BRINP3: variants seen among roughly 807,000 people sequenced by gnomAD.
BRINP3 encodes the protein BMP/retinoic acid inducible neural specific 3.
BRINP3 carries 19 observed loss-of-function variants against 71.0 expected under a neutral mutation model. The ratio of observed to expected loss-of-function variants is 0.27; its 90% confidence interval spans 0.19 to 0.39. The LOEUF (loss-of-function observed/expected upper bound fraction) is 0.39, where lower values mean the gene tolerates loss of function less well. Among genes scored for constraint, BRINP3 ranks in the 10% least tolerant of loss-of-function variants. BRINP3 has a pLI of 1.00. For missense variants in BRINP3, 959 were observed against 940.8 expected (o/e 1.02, Z -0.25); for synonymous variants, 380 against 337.7 (o/e 1.13, Z -1.37).
intron 1 of BRINP3, among the ~76,000 whole-genome samples, chr1:190,462,242 G>A (rs978003706): frequency 6.6e-6 from 1 of 152,074 alleles, no homozygotes. Context: ...GTTAAAAAAT[G>A]TTAAGGACAA....
At chr1:190,382,464 TA>T (rs994896684) in intron 2 of BRINP3, among the ~76,000 whole-genome samples, 3 of 152,008 alleles carry the variant, frequency 2.0e-5, no homozygotes, top group African/African-American at 4.8e-5. Context: ...GCAAGAAGTT[TA>T]AAAAAAATCC....
rs181099153 is a variant in BRINP3, at chr1:190,141,324, C to T, written c.1184+19344G>A. On this transcript the variant is annotated intron_variant, in intron 7 of 7. Coordinates refer to ENST00000367462, the MANE Select transcript of BRINP3 (RefSeq NM_199051.3). ...TCAATACTAAATTGCTATAACTCTT[C>T]GTTATTTTCCCAGTAGTAAAGATAA... 2.7e-3 allele frequency among the ~76,000 whole-genome samples: 406 copies of T among 151,904 alleles called. 2 individuals are homozygous for T. The highest frequency in any genetic ancestry group is 8.9e-3 in the African/African-American group (370 of 41,484).
intron 2 of BRINP3, among the ~76,000 whole-genome samples, chr1:190,404,861 T>C (rs906492057): frequency 3.9e-5 from 6 of 152,330 alleles, no homozygotes; most frequent in African/African-American, 9.6e-5. Flanking sequence ...CTCTATGAGA[T>C]TGAGTTTTAT....
At chr1:190,218,462 T>A (rs1391686879) in intron 6 of BRINP3, among the ~76,000 whole-genome samples, 1 of 152,248 alleles carries the variant, frequency 6.6e-6, no homozygotes, top group East Asian at 1.9e-4. Flanking sequence ...TGAAGAATTA[T>A]AATTGTATAC....
chr1:190,447,825 T>C (rs1164104833), intron 2 of BRINP3, among the ~76,000 whole-genome samples: 1 of 151,634 alleles, frequency 6.6e-6, no homozygotes, highest in East Asian at 1.9e-4. Context: ...TAAGTGACTT[T>C]TCAAATAAAT....
intron 7 of BRINP3, among the ~76,000 whole-genome samples, chr1:190,102,328 G>T (rs1461013293): frequency 2.0e-5 from 3 of 152,084 alleles, no homozygotes; most frequent in African/African-American, 7.2e-5. Flanking sequence ...AACTGTAAAA[G>T]AATTTTGGAG....
chr1:190,285,462 A>C (rs1445670896), intron 2 of BRINP3, among the ~76,000 whole-genome samples: 1 of 152,022 alleles, frequency 6.6e-6, no homozygotes, highest in Non-Finnish European at 1.5e-5. Flanking sequence ...ACTGAAAGTA[A>C]ATTTTGTCAT....
intron 4 of BRINP3, among the ~76,000 whole-genome samples, chr1:190,249,702 T>C (rs1659954421): frequency 6.6e-6 from 1 of 151,872 alleles, no homozygotes; most frequent in African/African-American, 2.4e-5. Context: ...GAATTTGAAC[T>C]GAATTGTTTA....
chr1:190,409,865 G>A (rs529743318), intron 2 of BRINP3, among the ~76,000 whole-genome samples: 3 of 151,928 alleles, frequency 2.0e-5, no homozygotes, highest in African/African-American at 7.2e-5. Flanking sequence ...GAATGAGAGA[G>A]GCAGAGAAAA....
At chr1:190,358,076 A>G (rs1259149720) in intron 2 of BRINP3, among the ~76,000 whole-genome samples, 1 of 152,180 alleles carries the variant, frequency 6.6e-6, no homozygotes, top group Non-Finnish European at 1.5e-5. Flanking sequence ...AACTTAGGCA[A>G]TACCATTCAG....
chr1:190,233,796 A>T (rs1658239861), intron 5 of BRINP3, among the ~76,000 whole-genome samples: 1 of 152,196 alleles, frequency 6.6e-6, no homozygotes. Flanking sequence ...AGTTCTTGTG[A>T]ATAAAATACT....
chr1:190,258,371 A>T (rs1304677528), intron 4 of BRINP3, among the ~76,000 whole-genome samples: 1 of 152,216 alleles, frequency 6.6e-6, no homozygotes, highest in Non-Finnish European at 1.5e-5. Context: ...CAAATACTGC[A>T]CTAGTTATTG....
At position 190,376,797 on chromosome 1, in the gene BRINP3, C is replaced by T. The variant is rs201023089; in HGVS notation, c.236+77858G>A. ...GATGTTAATTGATATATGTGTGTTG[C>T]TACATTAGTAAAATAATTTATCTTT... On this transcript the variant is annotated intron_variant, in intron 2 of 7. Transcript: ENST00000367462. Among the ~76,000 whole-genome samples, 3 of 152,048 alleles carry T rather than the reference C, an allele frequency of 2.0e-5. No individual in the cohort carries two copies. In the East Asian group the frequency reaches 5.8e-4, roughly 29 times the overall value.
At chr1:190,228,187 A>C (rs532136332) in intron 5 of BRINP3, among the ~76,000 whole-genome samples, 15 of 152,054 alleles carry the variant, frequency 9.9e-5, no homozygotes, top group African/African-American at 3.4e-4. Flanking sequence ...TTACCAAATT[A>C]CTGCACATTT....
intron 7 of BRINP3, among the ~76,000 whole-genome samples, chr1:190,154,566 G>A (rs1485242406): frequency 6.6e-6 from 1 of 152,090 alleles, no homozygotes; most frequent in Admixed American, 6.6e-5. Context: ...ACCAATTAGT[G>A]CCACCAAACT....
At chr1:190,430,241 A>G (rs1025284331) in intron 2 of BRINP3, among the ~76,000 whole-genome samples, 1 of 152,204 alleles carries the variant, frequency 6.6e-6, no homozygotes, top group Non-Finnish European at 1.5e-5. Context: ...TTCATTAGGC[A>G]CTTTGCCAGC....
intron 6 of BRINP3, among the ~76,000 whole-genome samples, chr1:190,166,719 C>T (rs934431845): frequency 2.0e-5 from 3 of 151,800 alleles, no homozygotes; most frequent in Non-Finnish European, 4.4e-5. Flanking sequence ...TCACTAAATA[C>T]GTCTTATGCA....
intron 2 of BRINP3, among the ~76,000 whole-genome samples, chr1:190,374,252 A>G (rs1048780904): frequency 6.6e-6 from 1 of 152,110 alleles, no homozygotes; most frequent in African/African-American, 2.4e-5. Flanking sequence ...TCAATTGTAC[A>G]TAACACACAC....
At chr1:190,434,208 T>A (rs1426817283) in intron 2 of BRINP3, among the ~76,000 whole-genome samples, 1 of 151,992 alleles carries the variant, frequency 6.6e-6, no homozygotes. Flanking sequence ...AGCCTCCGCC[T>A]CCTGGATTCT....
Sources: allele counts gnomAD v4.1 joint callset (sites outside exome capture counted in the v4.1 genomes callset), GRCh38; gene constraint gnomAD v4.1.1; transcripts MANE v1.5; gene names NCBI Gene and HGNC (gene_info 2026-07-23, HGNC 2026-07-21).